HLCS: variants seen among roughly 807,000 people sequenced by gnomAD.
The protein encoded by HLCS is holocarboxylase synthetase.
A neutral mutation model predicts 75.0 loss-of-function variants in HLCS; 53 were observed. The observed-to-expected ratio is 0.71, with a 90% CI of 0.57 to 0.89. HLCS has a LOEUF of 0.89. HLCS is among the 40% of genes least tolerant of loss of function. The pLI, the probability that HLCS is intolerant of heterozygous loss-of-function variation, is 0.00. For synonymous variants in HLCS, 431 were observed against 428.6 expected, an observed-to-expected ratio of 1.01 and a Z score of -0.07; for missense variants, 966 against 1,074.0, an observed-to-expected ratio of 0.90 and a Z score of 1.41.
At chr21:36,864,636 A>G (rs943961109) in intron 6 of HLCS, among the ~76,000 whole-genome samples, 2 of 152,216 alleles carry the variant, frequency 1.3e-5, no homozygotes, top group Non-Finnish European at 2.9e-5. Context: ...ACAATTACCA[A>G]TAGTACAGAA....
chr21:36,930,112 G>T, intron 5 of HLCS, 139 bp downstream of exon 5: 1 of 789,462 alleles, frequency 1.3e-6, no homozygotes. Flanking sequence ...TGCACATCTT[G>T]AAGATGATTT....
rs796067235 is a variant in HLCS, at chr21:36,748,650, A to G, written c.*5596T>C. 9 of 152,388 alleles carry G rather than the reference A, an allele frequency of 5.9e-5. No homozygotes were observed. The highest frequency in any genetic ancestry group is 2.2e-4 in the African/African-American group (9 of 41,510). 9.4% of individuals were successfully genotyped at this position (152,388 alleles called of 1,614,324 possible). The stretch of plus-strand genomic sequence containing the variant: ...GTCTCATTATTTTTGTTTTTATTTA[A>G]CCCTTTCTTCAATACAAAAAGCCAA... On this transcript the variant is annotated 3_prime_UTR_variant, in exon 11 of 11. Coordinates refer to ENST00000674895, the MANE Select transcript of HLCS (RefSeq NM_001352514.2).
intron 5 of HLCS, 83 bp from the exon 6 acceptor site, chr21:36,897,214 G>C: frequency 2.2e-6 from 3 of 1,362,460 alleles, no homozygotes; most frequent in Non-Finnish European, 3.1e-6. Flanking sequence ...ATGCCATTTT[G>C]GTAATATGAG....
At chr21:36,787,783 A>C (rs964966192) in intron 6 of HLCS, among the ~76,000 whole-genome samples, 14 of 152,166 alleles carry the variant, frequency 9.2e-5, no homozygotes, top group East Asian at 3.9e-4. Flanking sequence ...AAAGTTAAGA[A>C]AAGAGGAAAA....
intron 2 of HLCS, among the ~76,000 whole-genome samples, chr21:36,957,949 C>T (rs559518268): frequency 4.5e-5 from 6 of 132,960 alleles, no homozygotes; most frequent in East Asian, 4.6e-4. Context: ...AAAAAGAGGC[C>T]GGGCGCGGTG....
intron 7 of HLCS, 33 bp from the exon 8 acceptor site, chr21:36,765,205 C>T (rs1484520037): frequency 6.2e-7 from 1 of 1,612,520 alleles, no homozygotes; most frequent in East Asian, 2.2e-5. Flanking sequence ...AAACATGCTA[C>T]CTTGCCACGT....
At chr21:36,866,840 GTTT>G (rs71328516) in intron 6 of HLCS, among the ~76,000 whole-genome samples, 3 of 136,038 alleles carry the variant, frequency 2.2e-5, no homozygotes, top group Non-Finnish European at 3.2e-5. Flanking sequence ...AATTTGAGTA[GTTT>G]TTTTTTTTTT....
chr21:36,970,105 C>A (rs1162987309), upstream of HLCS, among the ~76,000 whole-genome samples: 1 of 152,164 alleles, frequency 6.6e-6, no homozygotes, highest in East Asian at 1.9e-4. Context: ...CTGTCCTATC[C>A]CCCATTAAAT....
chr21:36,965,666 G>C (rs1253054605), intron 1 of HLCS, among the ~76,000 whole-genome samples: 1 of 152,092 alleles, frequency 6.6e-6, no homozygotes, highest in Non-Finnish European at 1.5e-5. Context: ...GAAAAGGGCA[G>C]TTTTTGTAAA....
At chr21:36,840,120 G>A (rs183608336) in intron 6 of HLCS, among the ~76,000 whole-genome samples, 1 of 152,248 alleles carries the variant, frequency 6.6e-6, no homozygotes, top group Admixed American at 6.5e-5. Context: ...TGAGAAGCTT[G>A]TAACATCTTG....
At position 36,815,010 on chromosome 21, in the gene HLCS, G is replaced by T. The variant is rs546293956; in HGVS notation, c.1893-47725C>A. On this transcript the variant is annotated intron_variant, in intron 6 of 10. Transcript: ENST00000674895. ...GTGTGGCTGAGGGAAAGGAGGCCAG[G>T]GATCAATGAAGCTTTGCTTTTTTTT... 1.2e-3 allele frequency among the ~76,000 whole-genome samples: 176 copies of T among 151,942 alleles called. 2 individuals carry two copies. The highest frequency in any genetic ancestry group is 3.7e-3 in the African/African-American group (153 of 41,444).
intron 6 of HLCS, among the ~76,000 whole-genome samples, chr21:36,880,418 A>G (rs1054463815): frequency 1.3e-5 from 2 of 152,222 alleles, no homozygotes; most frequent in African/African-American, 4.8e-5. Flanking sequence ...TTCTAAAAGT[A>G]GCTCCACATC....
chr21:36,784,415 G>A (rs575501413), intron 6 of HLCS, among the ~76,000 whole-genome samples: 2 of 150,670 alleles, frequency 1.3e-5, no homozygotes, highest in South Asian at 2.1e-4. Flanking sequence ...TCCCAGGTTC[G>A]AGCAATTCTC....
chr21:36,894,623 T>A (rs2064935844), intron 6 of HLCS, among the ~76,000 whole-genome samples: 2 of 152,240 alleles, frequency 1.3e-5, no homozygotes, highest in African/African-American at 4.8e-5. Context: ...CAACCATTCA[T>A]CCAGTATCAG....
intron 6 of HLCS, among the ~76,000 whole-genome samples, chr21:36,846,900 G>A (rs2062817470): frequency 6.6e-6 from 1 of 152,088 alleles, no homozygotes; most frequent in Non-Finnish European, 1.5e-5. Context: ...ACCAGATTTA[G>A]AGCCATCCGC....
intron 8 of HLCS, 117 bp from the exon 9 acceptor site, chr21:36,759,958 CT>C: frequency 1.3e-6 from 1 of 750,166 alleles, no homozygotes; most frequent in Non-Finnish European, 2.5e-6. Context: ...GTCCTCTCCT[CT>C]TTTTCAGGCA....
chr21:36,813,527 G>A (rs1388996650), intron 6 of HLCS, among the ~76,000 whole-genome samples: 1 of 152,210 alleles, frequency 6.6e-6, no homozygotes, highest in Admixed American at 6.5e-5. Context: ...TAAAAGTACT[G>A]AGAGATTTAC....
intron 1 of HLCS, chr21:36,980,535 A>T (rs2069090599): frequency 6.6e-6 from 1 of 152,238 alleles, no homozygotes; most frequent in Non-Finnish European, 1.5e-5. Context: ...GGAATCTGGT[A>T]AGTTCTTAGG....
At position 36,983,044 on chromosome 21, in the gene HLCS, C is replaced by A. The variant is rs545831127; in HGVS notation, c.-393+7114G>T. On this transcript the variant is annotated intron_variant, in intron 1 of 11. Coordinates refer to the HLCS transcript ENST00000336648. ...GCGAGACTCCGTCTCAAAAAAAAAA[C>A]AAAAACAAAAACAAAAAAACTCTGG... Among the ~76,000 whole-genome samples, 47 of 150,978 alleles carry A rather than the reference C, an allele frequency of 3.1e-4. 3 individuals are homozygous for A. The highest frequency in any genetic ancestry group is 2.5e-3 in the Admixed American group (38 of 15,140).
Sources: gnomAD v4.1 joint callset for allele counts (sites outside exome capture counted in the v4.1 genomes callset) on GRCh38, gnomAD v4.1.1 for gene constraint, MANE v1.5 for transcripts, NCBI Gene and HGNC (gene_info 2026-07-23, HGNC 2026-07-21) for gene names.